The following PTPN6 variants were observed in gnomAD, a reference collection of about 807,000 sequenced individuals.
PTPN6 encodes the protein protein tyrosine phosphatase non-receptor type 6, also known as tyrosine-protein phosphatase non-receptor type 6.
Under a neutral mutation model 81.5 loss-of-function variants are expected in PTPN6, and 18 were observed. The observed-to-expected ratio is 0.22, with a 90% CI of 0.15 to 0.33. PTPN6 has a LOEUF of 0.33. PTPN6 is among the 10% of genes least tolerant of loss of function. PTPN6 has a pLI of 1.00. For synonymous variants in PTPN6, 301 were observed against 310.9 expected (o/e 0.97, Z 0.33); for missense variants, 500 against 794.2 (o/e 0.63, Z 4.45).
In PTPN6 at chr12:6,956,284, G is replaced by T. The variant is rs782343213; in HGVS notation, c.924+63G>T. On this transcript the variant is annotated intron_variant, in intron 8 of 15. Transcript: ENST00000318974. This position sits in a 1 kb window ranked among gnomAD's most constrained non-coding sequence, Gnocchi z 4.1. ...CCTGGGAATTCCCTGTCTGGTGGGG[G>T]GACCCTAGATCCAGAGACAGCTGGG... 2 of 1,609,362 alleles carry T rather than the reference G, an allele frequency of 1.2e-6. No individual in the cohort carries two copies. Among genetic ancestry groups the T allele is most frequent in the African/African-American group, 2.7e-5 (2 of 74,946 alleles).
rs1427714355 is a variant in PTPN6, at chr12:6,960,394, C to T, written c.1632C>T (p.Ala544=). ...SEYGNITYPP[A]MKNAHAKASR... ...ACGGGAACATCACCTATCCCCCAGC[C>T]ATGAAGAATGCCCATGCCAAGGCCT... The change falls in exon 14 of 16, where the codon GCC becomes GCT. Residue 544 remains alanine, a synonymous_variant. Transcript: ENST00000318974. The surrounding 1 kb of genome is among the most constrained non-coding windows in gnomAD (Gnocchi z 6.1). 1.9e-6 allele frequency: 3 copies of T among 1,613,746 alleles called. No individual in the cohort carries two copies. In the African/African-American group the frequency reaches 4.0e-5, roughly 22 times the overall value.
chr12:6,955,752 C>A lies in PTPN6; in HGVS notation c.840C>A (p.Leu280=). 2 of 1,613,742 alleles carry A rather than the reference C, an allele frequency of 1.2e-6. No homozygotes were observed. Among genetic ancestry groups the A allele is most frequent in the Non-Finnish European group, 1.7e-6 (2 of 1,179,820 alleles). The change falls in exon 7 of 16, where the codon CTC becomes CTA. Residue 280 remains leucine, a synonymous_variant. Coordinates refer to ENST00000318974, the MANE Select transcript of PTPN6 (RefSeq NM_002831.6). The surrounding 1 kb of genome is among the most constrained non-coding windows in gnomAD (Gnocchi z 7.2). ...NKGKNRYKNI[L]PFDHSRVILQ... ...GCAAGAACCGCTACAAGAACATTCT[C>A]CCCTGTGAGCACCCAGGCTGCCCCA...
chr12:6,950,787 C>T (rs1164832540), upstream of PTPN6, among the ~76,000 whole-genome samples: 3 of 152,180 alleles, frequency 2.0e-5, no homozygotes, highest in African/African-American at 7.2e-5. Flanking sequence ...GCTTTGGAAC[C>T]GGACTGTCTG....
upstream of PTPN6, among the ~76,000 whole-genome samples, chr12:6,950,990 C>T (rs1035763994): frequency 6.6e-6 from 1 of 152,218 alleles, no homozygotes; most frequent in African/African-American, 2.4e-5. Flanking sequence ...AGGACTCACT[C>T]GATGACAGTT....
At chr12:6,951,186 C>T, upstream of PTPN6, 1 of 1,354,390 alleles carries the variant, frequency 7.4e-7, no homozygotes, top group Non-Finnish European at 9.6e-7. This position sits in a 1 kb window ranked among gnomAD's most constrained non-coding sequence, Gnocchi z 7.2. Context: ...TGCCATGCTC[C>T]TGAGCCTTTG....
upstream of PTPN6, chr12:6,946,692 C>A (rs1555146816): frequency 6.2e-7 from 1 of 1,601,110 alleles, no homozygotes; most frequent in Admixed American, 1.7e-5. Context: ...CCCCCTGCGG[C>A]CCTCTGCCGT....
At position 6,960,271 on chromosome 12, in the gene PTPN6, G is replaced by A. The variant is rs782520887; in HGVS notation, c.1581+32G>A. ...GCAGAGCAGGGCCTGGGGGGGGGGG[G>A]GGCTGCAGTGCAGGATGGGTGCCAC... On this transcript the variant is annotated intron_variant, in intron 13 of 15. Coordinates refer to ENST00000318974, the MANE Select transcript of PTPN6 (RefSeq NM_002831.6). This position sits in a 1 kb window ranked among gnomAD's most constrained non-coding sequence, Gnocchi z 6.1. 1.9e-6 allele frequency: 3 copies of A among 1,603,220 alleles called. No individual in the cohort carries two copies. The highest frequency in any genetic ancestry group is 1.7e-6 in the Non-Finnish European group (2 of 1,175,404).
upstream of PTPN6, among the ~76,000 whole-genome samples, chr12:6,949,992 G>A: frequency 7.3e-6 from 1 of 136,538 alleles, no homozygotes; most frequent in Non-Finnish European, 1.6e-5. Context: ...ATGTTGGCCA[G>A]GCTGGTCTCG....
chr12:6,947,128 C>T (rs1168825783), upstream of PTPN6, among the ~76,000 whole-genome samples: 1 of 152,230 alleles, frequency 6.6e-6, no homozygotes, highest in Non-Finnish European at 1.5e-5. Context: ...CACTTCCCAA[C>T]ATCAGACTTT....
upstream of PTPN6, chr12:6,951,179 C>T (rs1384159213): frequency 2.3e-6 from 3 of 1,319,996 alleles, no homozygotes; most frequent in Non-Finnish European, 3.0e-6. This position sits in a 1 kb window ranked among gnomAD's most constrained non-coding sequence, Gnocchi z 7.2. Flanking sequence ...TGTGCAATGC[C>T]ATGCTCCTGA....
chr12:6,951,597 T>C lies in PTPN6; in HGVS notation c.9-12T>C. 6.2e-7 allele frequency: 1 copy of C among 1,613,940 alleles called. No homozygotes were observed. Among genetic ancestry groups the C allele is most frequent in the Non-Finnish European group, 8.5e-7 (1 of 1,179,972 alleles). Reference sequence around the variant, plus strand: ...CGGGACCCCTCCTCACTGCCCTGCCTGGGCCGCCCAGGTGGTTTCACCGAG... The same window carrying C: ...CGGGACCCCTCCTCACTGCCCTGCCCGGGCCGCCCAGGTGGTTTCACCGAG... On this transcript the variant is annotated splice_polypyrimidine_tract_variant and intron_variant, in intron 1 of 15. Coordinates refer to ENST00000318974, the MANE Select transcript of PTPN6 (RefSeq NM_002831.6). The surrounding 1 kb of genome is among the most constrained non-coding windows in gnomAD (Gnocchi z 7.2).
upstream of PTPN6, among the ~76,000 whole-genome samples, chr12:6,950,503 G>A (rs192055033): frequency 9.8e-5 from 15 of 152,300 alleles, no homozygotes; most frequent in Admixed American, 5.9e-4. Context: ...GCCCCCTGGT[G>A]GGAGTGCTGG....
At chr12:6,951,250 C>T, upstream of PTPN6, 1 of 1,436,580 alleles carries the variant, frequency 7.0e-7, no homozygotes, top group Non-Finnish European at 9.1e-7. The surrounding 1 kb of genome is among the most constrained non-coding windows in gnomAD (Gnocchi z 7.2). Context: ...CCACCCTGCT[C>T]TGCTTCTCTT....
chr12:6,958,165 T>C, intron 11 of PTPN6, 92 bp downstream of exon 11: 2 of 1,529,002 alleles, frequency 1.3e-6, no homozygotes, highest in Non-Finnish European at 1.8e-6. Flanking sequence ...AAACGTTAGC[T>C]CGCACATTGA....
In PTPN6 at chr12:6,956,597, C is replaced by T; in HGVS notation, c.1074+29C>T. 1.2e-6 allele frequency: 2 copies of T among 1,612,538 alleles called. No individual in the cohort carries two copies. The highest frequency in any genetic ancestry group is 1.7e-6 in the Non-Finnish European group (2 of 1,179,776). ...GGGCGCCCCCCCTTCCCCGCATCCG[C>T]CCCCGTGCTTGTGGTCATGCCATTA... is the stretch of plus-strand genomic sequence containing the variant. On this transcript the variant is annotated intron_variant, in intron 9 of 15. Transcript: ENST00000318974. This position sits in a 1 kb window ranked among gnomAD's most constrained non-coding sequence, Gnocchi z 4.1.
Position 6,957,791 on chromosome 12 carries a change from T to G in PTPN6, c.1206+6T>G. The stretch of plus-strand genomic sequence containing the variant: ...AGGTCTCCCCGCTGGACAATGTGAG[T>G]GGCCCCCACGCCCTGCCCCATTCCG... On this transcript the variant is annotated splice_donor_region_variant and intron_variant, in intron 10 of 15. Transcript: ENST00000318974. The surrounding 1 kb of genome is among the most constrained non-coding windows in gnomAD (Gnocchi z 6.5). 6.2e-7 allele frequency: 1 copy of G among 1,614,070 alleles called. No individual in the cohort carries two copies.
rs1946102279 is a variant in PTPN6 at position 6,960,059 on chromosome 12, G to A, written c.1430-29G>A. On this transcript the variant is annotated intron_variant, in intron 12 of 15. Coordinates refer to ENST00000318974, the MANE Select transcript of PTPN6 (RefSeq NM_002831.6). This position sits in a 1 kb window ranked among gnomAD's most constrained non-coding sequence, Gnocchi z 6.1. ...GCCCCTCGGTGTCCGCCTATGCCTG[G>A]ACCTGAGGTTTGACTGCCCCCCACC... is the stretch of plus-strand genomic sequence containing the variant. 3 of 1,613,274 alleles carry A rather than the reference G, an allele frequency of 1.9e-6. No individual in the cohort carries two copies. Among genetic ancestry groups the A allele is most frequent in the Middle Eastern group, 1.7e-4 (1 of 6,054 alleles).
At chr12:6,946,721 G>A (rs1555146835), upstream of PTPN6, 2 of 1,612,190 alleles carry the variant, frequency 1.2e-6, no homozygotes, top group East Asian at 4.5e-5. Flanking sequence ...CCTCCCTACA[G>A]AGAGATGCTG....
In PTPN6 at chr12:6,952,117, G is replaced by A. The variant is rs782308449; in HGVS notation, c.266G>A (p.Arg89His). 10 of 1,614,126 alleles carry A rather than the reference G, an allele frequency of 6.2e-6. No homozygotes were observed. The highest frequency in any genetic ancestry group is 2.2e-5 in the East Asian group (1 of 44,874). The change falls in exon 3 of 16, where the codon CGC (arginine) becomes CAC (histidine). Residue 89 changes from arginine to histidine, a missense_variant. This residue lies in a region of PTPN6 where 98 missense variants were observed against 199.2 expected (regional missense o/e 0.49). Transcript: ENST00000318974. The surrounding 1 kb of genome is among the most constrained non-coding windows in gnomAD (Gnocchi z 8.1). The stretch of plus-strand genomic sequence containing the variant: ...CAGCAGCAGGGTGTCCTGCAGGACC[G>A]CGACGGCACCATCATCCACCTCAAG... ...YTQQQGVLQD[R>H]DGTIIHLKYP...
Sources: allele counts gnomAD v4.1 joint callset (sites outside exome capture counted in the v4.1 genomes callset), GRCh38; gene constraint gnomAD v4.1.1; regional missense constraint gnomAD v4.1.1; non-coding constraint Gnocchi (gnomAD v3.1); transcripts MANE v1.5; gene names NCBI Gene and HGNC (gene_info 2026-07-23, HGNC 2026-07-21).